CNTN5: variants seen among roughly 807,000 people sequenced by gnomAD.
The protein encoded by CNTN5 is contactin-5.
Under a neutral mutation model 129.1 loss-of-function variants are expected in CNTN5, and 77 were observed. The ratio of observed to expected loss-of-function variants is 0.60; its 90% CI spans 0.50 to 0.72. CNTN5 has a LOEUF of 0.72. Among genes scored for constraint, CNTN5 ranks in the 30% least tolerant of loss-of-function variants. The probability of loss-of-function intolerance (pLI) is 0.00; values close to 1 mark genes in which losing one functional copy is unlikely to be tolerated. For synonymous variants in CNTN5, 509 were observed against 465.6 expected, an observed-to-expected ratio of 1.09 and a Z score of -1.20; for missense variants, 1,478 against 1,328.8, an observed-to-expected ratio of 1.11 and a Z score of -1.75.
chr11:99,104,670 T>C (rs1220494847), intron 1 of CNTN5, among the ~76,000 whole-genome samples: 1 of 151,642 alleles, frequency 6.6e-6, no homozygotes, highest in East Asian at 1.9e-4. Flanking sequence ...AAACATCAGA[T>C]TGCCTTCCAT....
intron 3 of CNTN5, among the ~76,000 whole-genome samples, chr11:99,722,221 G>A (rs972279110): frequency 6.6e-6 from 1 of 152,072 alleles, no homozygotes; most frequent in Non-Finnish European, 1.5e-5. Context: ...GCAAAGATGT[G>A]GAATCAACCT....
At chr11:99,171,424 A>G (rs1861143575) in intron 1 of CNTN5, among the ~76,000 whole-genome samples, 2 of 152,288 alleles carry the variant, frequency 1.3e-5, no homozygotes, top group Non-Finnish European at 2.9e-5. Flanking sequence ...TCATCTGATC[A>G]TTCAGTTCCT....
rs373593112 is a variant in CNTN5 at position 99,837,199 on chromosome 11, G to A, written c.278-7653G>A. Among the ~76,000 whole-genome samples, 8 of 152,266 alleles carry A rather than the reference G, an allele frequency of 5.3e-5. No individual in the cohort carries two copies. The East Asian group carries it at 1.4e-3, about 26-fold the overall frequency. On this transcript the variant is annotated intron_variant, in intron 4 of 24. Coordinates refer to ENST00000524871, the MANE Select transcript of CNTN5 (RefSeq NM_014361.4). ...CTCTGTTTCAAATGTTTCTGATGAT[G>A]ATATACAGTTCAATGAACTTTGTTT...
chr11:99,719,234 A>G (rs1344510153), intron 3 of CNTN5, among the ~76,000 whole-genome samples: 2 of 151,908 alleles, frequency 1.3e-5, no homozygotes, highest in African/African-American at 2.4e-5. Flanking sequence ...CATGAAAATC[A>G]TCTGAACCCC....
chr11:99,292,468 TC>T (rs35988105), intron 1 of CNTN5, among the ~76,000 whole-genome samples: 1,560 of 152,082 alleles, frequency 0.01, 7 homozygotes, highest in Non-Finnish European at 0.017. Flanking sequence ...AATTTCTTTC[TC>T]TTGTCGAATT....
intron 3 of CNTN5, among the ~76,000 whole-genome samples, chr11:99,638,577 T>C (rs909074275): frequency 6.6e-6 from 1 of 152,192 alleles, no homozygotes; most frequent in African/African-American, 2.4e-5. Context: ...ACTTCCTAGA[T>C]ACAATGGTGG....
intron 3 of CNTN5, among the ~76,000 whole-genome samples, chr11:99,700,431 A>T (rs1487744408): frequency 1.3e-5 from 2 of 151,406 alleles, no homozygotes; most frequent in East Asian, 3.9e-4. Flanking sequence ...ATCAATGCAG[A>T]ATATTTAGGA....
intron 1 of CNTN5, among the ~76,000 whole-genome samples, chr11:99,217,470 C>T (rs546137913): frequency 2.6e-5 from 4 of 152,296 alleles, no homozygotes; most frequent in African/African-American, 7.2e-5. Context: ...AATCCTTGTA[C>T]ACTGTTGGTG....
At chr11:99,173,264 T>C (rs12577013) in intron 1 of CNTN5, among the ~76,000 whole-genome samples, 1 of 152,012 alleles carries the variant, frequency 6.6e-6, no homozygotes, top group Admixed American at 6.6e-5. Flanking sequence ...AAGTGGATAG[T>C]CTATGGCTCA....
chr11:99,732,727 G>A (rs1030538839), intron 3 of CNTN5, among the ~76,000 whole-genome samples: 1 of 152,046 alleles, frequency 6.6e-6, no homozygotes, highest in Non-Finnish European at 1.5e-5. Flanking sequence ...TATGTAAAGT[G>A]GGAATCACTG....
chr11:99,593,435 C>T lies in CNTN5; in HGVS notation c.55+37166C>T, dbSNP rs533506337. ...GTGATTCTGTCACACACTGGGGACCCCCGTCAGTGCAGTTTCACTCCTAAA... is the reference window on the plus strand; with the variant it reads ...GTGATTCTGTCACACACTGGGGACCTCCGTCAGTGCAGTTTCACTCCTAAA... On this transcript the variant is annotated intron_variant, in intron 3 of 24. Coordinates refer to ENST00000524871, the MANE Select transcript of CNTN5 (RefSeq NM_014361.4). 1.4e-4 allele frequency among the ~76,000 whole-genome samples: 21 copies of T among 152,110 alleles called. 1 individual carries two copies. Among genetic ancestry groups the T allele is most frequent in the Admixed American group, 1.0e-3 (16 of 15,266 alleles).
chr11:99,379,711 G>A (rs557287550), intron 2 of CNTN5, among the ~76,000 whole-genome samples: 1 of 152,178 alleles, frequency 6.6e-6, no homozygotes, highest in East Asian at 1.9e-4. Flanking sequence ...GTGTATTTAT[G>A]CATTCTATAA....
At position 99,904,533 on chromosome 11, in the gene CNTN5, G is replaced by A. The variant is rs866478766; in HGVS notation, c.578-11521G>A. Among the ~76,000 whole-genome samples, 49 of 152,234 alleles carry A rather than the reference G, an allele frequency of 3.2e-4. 1 individual carries two copies. Among genetic ancestry groups the A allele is most frequent in the African/African-American group, 1.0e-3 (42 of 41,530 alleles). On this transcript the variant is annotated intron_variant, in intron 6 of 24. Transcript: ENST00000524871. The stretch of plus-strand genomic sequence containing the variant: ...ATATGTGCCACATTTTCTGTATCCA[G>A]TCTATCATTGATGGGCATTTGAGCT...
At chr11:100,018,069 A>T (rs1940933023) in intron 9 of CNTN5, among the ~76,000 whole-genome samples, 1 of 152,016 alleles carries the variant, frequency 6.6e-6, no homozygotes, top group African/African-American at 2.4e-5. Flanking sequence ...AAAACACAAT[A>T]TATTAAGTCA....
At chr11:99,238,317 A>C (rs1014559544) in intron 1 of CNTN5, among the ~76,000 whole-genome samples, 1 of 152,182 alleles carries the variant, frequency 6.6e-6, no homozygotes, top group African/African-American at 2.4e-5. Flanking sequence ...TATATAAAAA[A>C]CATGGGGCGT....
At chr11:100,356,044 A>G (rs1952515562) in intron 24 of CNTN5, 73 bp from the exon 25 acceptor site, 5 of 970,544 alleles carry the variant, frequency 5.2e-6, no homozygotes, top group Non-Finnish European at 8.1e-6. Context: ...AGTCTTACAT[A>G]CTAAAAACAA....
intron 3 of CNTN5, among the ~76,000 whole-genome samples, chr11:99,590,075 G>A (rs1039617407): frequency 1.3e-5 from 2 of 152,106 alleles, no homozygotes; most frequent in Non-Finnish European, 2.9e-5. Context: ...GGATCATCCA[G>A]AGGAAGATAA....
chr11:99,124,792 G>A (rs1223147067), intron 1 of CNTN5, among the ~76,000 whole-genome samples: 5 of 151,686 alleles, frequency 3.3e-5, no homozygotes, highest in Non-Finnish European at 4.4e-5. Flanking sequence ...TATTACCACC[G>A]ACCCCAAATA....
intron 17 of CNTN5, among the ~76,000 whole-genome samples, chr11:100,261,921 T>C (rs975215910): frequency 6.6e-6 from 1 of 152,108 alleles, no homozygotes; most frequent in African/African-American, 2.4e-5. Flanking sequence ...CCAAAAGCAA[T>C]GGCAACAAAA....
Sources: allele counts gnomAD v4.1 joint callset (sites outside exome capture counted in the v4.1 genomes callset), GRCh38; gene constraint gnomAD v4.1.1; transcripts MANE v1.5; gene names NCBI Gene and HGNC (gene_info 2026-07-23, HGNC 2026-07-21).